The following ZNF532 variants were observed in gnomAD, a reference collection of about 807,000 sequenced individuals.
The protein encoded by ZNF532 is zinc finger protein 532.
ZNF532 carries 22 observed loss-of-function variants against 89.3 expected under a neutral mutation model. The ratio of observed to expected loss-of-function variants is 0.25; its 90% CI spans 0.18 to 0.35. The LOEUF (loss-of-function observed/expected upper bound fraction) is 0.35. ZNF532 is among the 10% of genes least tolerant of loss of function. The pLI, the probability that ZNF532 is intolerant of heterozygous loss-of-function variation, is 1.00. For synonymous variants in ZNF532, 606 were observed against 649.6 expected (o/e 0.93, Z 1.02); for missense variants, 1,132 against 1,643.4 (o/e 0.69, Z 5.38).
intron 4 of ZNF532, among the ~76,000 whole-genome samples, chr18:58,937,175 A>G (rs889691941): frequency 5.9e-5 from 9 of 152,188 alleles, no homozygotes; most frequent in Non-Finnish European, 1.3e-4. Context: ...TCAAAAAATA[A>G]AGAAACTTTA....
chr18:58,904,924 C>T (rs949855525), intron 2 of ZNF532, among the ~76,000 whole-genome samples: 3 of 151,706 alleles, frequency 2.0e-5, no homozygotes, highest in African/African-American at 4.8e-5. Context: ...TCACTGCAAC[C>T]TCCGACTCCA....
intron 4 of ZNF532, among the ~76,000 whole-genome samples, 193 bp from the exon 5 acceptor site, chr18:58,939,246 CAAAAAA>C (rs71336307): frequency 0.016 from 539 of 34,438 alleles, 3 homozygotes; most frequent in African/African-American, 0.046. Flanking sequence ...GACGTTGTCT[CAAAAAA>C]AAAAAAAAAA....
At chr18:58,866,930 C>G (rs1729361445) in intron 2 of ZNF532, among the ~76,000 whole-genome samples, 1 of 152,208 alleles carries the variant, frequency 6.6e-6, no homozygotes, top group African/African-American at 2.4e-5. Context: ...CTTTACAAAT[C>G]ACTGTGCTAA....
chr18:58,934,735 T>C, intron 4 of ZNF532, 121 bp downstream of exon 4: 1 of 954,038 alleles, frequency 1.0e-6, no homozygotes, highest in Non-Finnish European at 1.6e-6. Flanking sequence ...TAACAGATCC[T>C]CTGGGAACCT....
At chr18:58,873,427 GT>G (rs1380920128) in intron 2 of ZNF532, among the ~76,000 whole-genome samples, 1 of 152,010 alleles carries the variant, frequency 6.6e-6, no homozygotes, top group Non-Finnish European at 1.5e-5. Flanking sequence ...TGAGAAGCTG[GT>G]CTTTGATGAT....
chr18:58,983,633 C>G (rs1174425260), intron 9 of ZNF532, among the ~76,000 whole-genome samples: 1 of 152,134 alleles, frequency 6.6e-6, no homozygotes. Flanking sequence ...CTCATCCCAC[C>G]CTGCTTGGCT....
chr18:58,892,982 CTTTTTTT>C (rs58108717), intron 2 of ZNF532, among the ~76,000 whole-genome samples: 1 of 135,292 alleles, frequency 7.4e-6, no homozygotes, highest in African/African-American at 2.8e-5. Context: ...TTTGTACTTT[CTTTTTTT>C]TTTTTTTTTT....
chr18:58,962,543 C>T, intron 7 of ZNF532, among the ~76,000 whole-genome samples: 1 of 151,994 alleles, frequency 6.6e-6, no homozygotes, highest in East Asian at 1.9e-4. Context: ...TACGGCCCAG[C>T]ACACTTGGTG....
chr18:58,949,749 A>C (rs2063989467), intron 6 of ZNF532, among the ~76,000 whole-genome samples: 1 of 152,372 alleles, frequency 6.6e-6, no homozygotes, highest in South Asian at 2.1e-4. Context: ...TTCTAGTCTC[A>C]TGTCAGCTAA....
Position 58,918,730 on chromosome 18 carries a change from ACCC to A in ZNF532, c.447_449del (p.Pro150del). On this transcript the variant is annotated inframe_deletion, in exon 3 of 10. Coordinates refer to ENST00000591808, the MANE Select transcript of ZNF532 (RefSeq NM_001375912.1). ...GACGACGAGAAGATTGAGGTGGATG[ACCC>A]CCCTGACAAGGAGGACATGCGATCA... The A allele has an allele frequency of 6.2e-7, 1 of 1,613,604 alleles. No individual in the cohort carries two copies. The highest frequency in any genetic ancestry group is 8.5e-7 in the Non-Finnish European group (1 of 1,179,932).
intron 2 of ZNF532, among the ~76,000 whole-genome samples, chr18:58,917,877 A>T (rs2060719592): frequency 1.3e-5 from 2 of 152,220 alleles, no homozygotes; most frequent in South Asian, 4.1e-4. Context: ...GATGATAGTG[A>T]TAATTTTGCC....
intron 3 of ZNF532, among the ~76,000 whole-genome samples, chr18:58,929,038 C>A (rs1449016690): frequency 6.6e-6 from 1 of 152,168 alleles, no homozygotes; most frequent in Non-Finnish European, 1.5e-5. Context: ...GCTGTAGAAT[C>A]ACAGAATGCT....
chr18:58,888,877 T>TAAA (rs2058660911), intron 2 of ZNF532, among the ~76,000 whole-genome samples: 25 of 36,084 alleles, frequency 6.9e-4, no homozygotes, highest in South Asian at 2.9e-3. Flanking sequence ...TAATATATAT[T>TAAA]ATATATATAT....
At chr18:58,974,272 A>G (rs2066799815) in intron 7 of ZNF532, among the ~76,000 whole-genome samples, 1 of 152,204 alleles carries the variant, frequency 6.6e-6, no homozygotes, top group Non-Finnish European at 1.5e-5. Context: ...ATATGCATAT[A>G]TTCTCATTCT....
At chr18:58,888,855 T>TAAAA (rs1568248215) in intron 2 of ZNF532, among the ~76,000 whole-genome samples, 1 of 39,292 alleles carries the variant, frequency 2.5e-5, no homozygotes, top group Non-Finnish European at 4.1e-5. Flanking sequence ...ATATATATAA[T>TAAAA]TTATATATAT....
chr18:58,948,157 G>C lies in ZNF532; in HGVS notation c.2796G>C (p.Lys932Asn), dbSNP rs1330833908. 6.2e-7 allele frequency: 1 copy of C among 1,613,932 alleles called. No homozygotes were observed. The highest frequency in any genetic ancestry group is 1.1e-5 in the South Asian group (1 of 91,044). Residue 932 changes from lysine (K) to asparagine (N), a missense_variant, in exon 6 of 10, where the codon AAG becomes AAC. Lys to Asn is a moderately conservative substitution (Grantham distance 94). Transcript: ENST00000591808. ...RHFDQHIENQKVSVFKCPDCS... is the reference protein window; with the variant it reads ...RHFDQHIENQNVSVFKCPDCS... The stretch of plus-strand genomic sequence containing the variant: ...TTGACCAACACATTGAAAACCAGAA[G>C]GTGTCTGTTTTCAAGTGTCCAGACT...
intron 5 of ZNF532, among the ~76,000 whole-genome samples, chr18:58,944,873 C>G (rs142926905): frequency 4.6e-5 from 7 of 152,318 alleles, no homozygotes; most frequent in African/African-American, 1.7e-4. Context: ...AGTCATTGGT[C>G]TGTCTCCCTC....
chr18:58,886,821 CCA>C (rs2058334797), intron 2 of ZNF532, among the ~76,000 whole-genome samples: 1 of 152,140 alleles, frequency 6.6e-6, no homozygotes, highest in Non-Finnish European at 1.5e-5. Context: ...GAGGCCTTGC[CCA>C]TTTTTCTTCA....
At chr18:58,896,165 G>T (rs924437242) in intron 2 of ZNF532, among the ~76,000 whole-genome samples, 2 of 152,148 alleles carry the variant, frequency 1.3e-5, no homozygotes. Flanking sequence ...TTTCAGTGCA[G>T]TGTAACTTTC....
Sources: allele counts gnomAD v4.1 joint callset (sites outside exome capture counted in the v4.1 genomes callset), GRCh38; gene constraint gnomAD v4.1.1; transcripts MANE v1.5; gene names NCBI Gene and HGNC (gene_info 2026-07-23, HGNC 2026-07-21).